CTTNBP2: variants seen among roughly 807,000 people sequenced by gnomAD.
CTTNBP2 encodes the protein cortactin-binding protein 2.
Under a neutral mutation model 156.9 loss-of-function variants are expected in CTTNBP2, and 108 were observed. The observed-to-expected ratio is 0.69, with a 90% confidence interval of 0.59 to 0.81. The LOEUF (loss-of-function observed/expected upper bound fraction) is 0.81, where lower values mean the gene tolerates loss of function less well. CTTNBP2 is among the 30% of genes least tolerant of loss of function. The pLI is 0.00. For synonymous variants in CTTNBP2, 767 were observed against 751.8 expected, an observed-to-expected ratio of 1.02 and a Z score of -0.33; for missense variants, 1,924 against 2,035.4, an observed-to-expected ratio of 0.95 and a Z score of 1.05.
chr7:117,729,096 G>A (rs551877095), intron 16 of CTTNBP2, among the ~76,000 whole-genome samples: 6 of 152,312 alleles, frequency 3.9e-5, no homozygotes, highest in East Asian at 3.9e-4. Flanking sequence ...CCAGGGAAAC[G>A]TTACTTTTTC....
At chr7:117,839,750 C>T (rs1802163897) in intron 2 of CTTNBP2, among the ~76,000 whole-genome samples, 1 of 152,182 alleles carries the variant, frequency 6.6e-6, no homozygotes, top group Admixed American at 6.5e-5. Flanking sequence ...ACTCTGCACA[C>T]ATTGTACCAC....
At chr7:117,762,048 T>TC (rs1488400072) in intron 9 of CTTNBP2, among the ~76,000 whole-genome samples, 10 of 152,304 alleles carry the variant, frequency 6.6e-5, no homozygotes, top group African/African-American at 2.2e-4. Flanking sequence ...CTCCTGTACC[T>TC]CCTCGGTCGC....
Position 117,724,587 on chromosome 7 carries a change from G to C in CTTNBP2, c.4407C>G (p.Phe1469Leu). 6.2e-7 allele frequency: 1 copy of C among 1,614,050 alleles called. No homozygotes were observed. Residue 1469 changes from phenylalanine (F) to leucine (L), a missense_variant, in exon 19 of 23, where the codon TTC (phenylalanine) becomes TTG (leucine). By Grantham distance (22) the Phe-to-Leu change is conservative (BLOSUM62 0). Transcript: ENST00000160373. Reference protein sequence around the residue: ...NTSPRRKSGRFSLPTWNKPDL... With the variant: ...NTSPRRKSGRLSLPTWNKPDL... ...CTGGCTTATTCCAGGTGGGTAAAGA[G>C]AAGCGGCCAGACTTCCTGCGAGGAC...
At chr7:117,745,293 G>T (rs539540347) in intron 14 of CTTNBP2, among the ~76,000 whole-genome samples, 1 of 152,300 alleles carries the variant, frequency 6.6e-6, no homozygotes, top group Non-Finnish European at 1.5e-5. Flanking sequence ...ACCTACACTT[G>T]CATAGGGCTG....
chr7:117,758,355 T>G (rs1373954899), intron 10 of CTTNBP2, among the ~76,000 whole-genome samples: 1 of 151,866 alleles, frequency 6.6e-6, no homozygotes, highest in Non-Finnish European at 1.5e-5. Flanking sequence ...GGGTGAGATA[T>G]GAGATCATTT....
At position 117,838,992 on chromosome 7, in the gene CTTNBP2, C is replaced by T. The variant is rs375250093; in HGVS notation, c.189+22217G>A. On this transcript the variant is annotated intron_variant, in intron 2 of 22. Coordinates refer to ENST00000160373, the MANE Select transcript of CTTNBP2 (RefSeq NM_033427.3). ...CGGGGGGGGGGCTTTTAAAAAAAAT[C>T]CTCCAAAGGATTTTTTTAAAATCTT... 1.1e-4 allele frequency among the ~76,000 whole-genome samples: 16 copies of T among 148,122 alleles called. No homozygotes were observed. The East Asian group carries it at 3.0e-3, about 28-fold the overall frequency.
intron 11 of CTTNBP2, among the ~76,000 whole-genome samples, chr7:117,757,588 TATC>T: frequency 6.6e-6 from 1 of 151,714 alleles, no homozygotes; most frequent in South Asian, 2.1e-4. Flanking sequence ...GTCACTCTCT[TATC>T]AGCATGCCAG....
intron 22 of CTTNBP2, chr7:117,713,737 A>G (rs1365328929): frequency 6.6e-6 from 1 of 152,250 alleles, no homozygotes; most frequent in Admixed American, 6.5e-5. Flanking sequence ...CAACATGTTC[A>G]TTAAACTACC....
intron 6 of CTTNBP2, among the ~76,000 whole-genome samples, chr7:117,781,604 G>A (rs895136630): frequency 4.6e-5 from 7 of 152,192 alleles, no homozygotes; most frequent in Middle Eastern, 3.2e-3. Flanking sequence ...TGGGTGTGGT[G>A]GCGTACACCT....
In CTTNBP2 at chr7:117,782,974, AT is replaced by A; in HGVS notation, c.2273-14del. ...AATCTCACACAGTCTATGGATTTTA[AT>A]AGAAAGCCATGTAAATTCCCCATTT... is the stretch of plus-strand genomic sequence containing the variant. On this transcript the variant is annotated splice_polypyrimidine_tract_variant and intron_variant, in intron 5 of 22. Coordinates refer to ENST00000160373, the MANE Select transcript of CTTNBP2 (RefSeq NM_033427.3). The A allele has an allele frequency of 6.3e-7, 1 of 1,593,780 alleles. No homozygotes were observed. The highest frequency in any genetic ancestry group is 1.1e-5 in the South Asian group (1 of 89,356).
At position 117,745,933 on chromosome 7, in the gene CTTNBP2, G is replaced by A. The variant is rs1013281396; in HGVS notation, c.3436-3C>T. The A allele has an allele frequency of 2.4e-5, 39 of 1,613,798 alleles. No homozygotes were observed. Among genetic ancestry groups the A allele is most frequent in the East Asian group, 4.5e-5 (2 of 44,874 alleles). The stretch of plus-strand genomic sequence containing the variant: ...AATCCTGCAGCCATTTGTCTGTGCT[G>A]TGATAAGAAAATAGGGTGATTAGTT... On this transcript the variant is annotated splice_polypyrimidine_tract_variant and splice_region_variant and intron_variant, in intron 13 of 22. Coordinates refer to ENST00000160373, the MANE Select transcript of CTTNBP2 (RefSeq NM_033427.3).
chr7:117,767,079 T>C lies in CTTNBP2; in HGVS notation c.2876A>G (p.Lys959Arg). The stretch of plus-strand genomic sequence containing the variant: ...CTCACTCAGATTCTCCAGCAAATGC[T>C]TGCAGTCATCAGTGGCAACATCATG... ...TVHDVATDDC[K>R]HLLENLNALK... is the part of the protein sequence containing the mutation. Residue 959 changes from lysine to arginine, a missense_variant, in exon 9 of 23, where the codon AAG becomes AGG. By Grantham distance (26) the Lys-to-Arg change is conservative. Coordinates refer to ENST00000160373, the MANE Select transcript of CTTNBP2 (RefSeq NM_033427.3). The C allele has an allele frequency of 6.3e-7, 1 of 1,596,612 alleles. No homozygotes were observed. Among genetic ancestry groups the C allele is most frequent in the Non-Finnish European group, 8.6e-7 (1 of 1,163,968 alleles).
chr7:117,798,347 C>T (rs1041248279), intron 3 of CTTNBP2, among the ~76,000 whole-genome samples: 1 of 152,030 alleles, frequency 6.6e-6, no homozygotes, highest in Non-Finnish European at 1.5e-5. Context: ...TGAGAACTAC[C>T]AAACCAATAG....
At chr7:117,795,592 T>C (rs1380113707) in intron 3 of CTTNBP2, among the ~76,000 whole-genome samples, 1 of 152,156 alleles carries the variant, frequency 6.6e-6, no homozygotes, top group African/African-American at 2.4e-5. Context: ...CTGTCTCAGG[T>C]TTTTCTCACT....
At position 117,872,355 on chromosome 7, in the gene CTTNBP2, C is replaced by T. The variant is rs556250412; in HGVS notation, c.81+980G>A. ...CCACGCCCCGCTCGCTCCATCCCAC[C>T]CCATCCTTCGGCGGGAGCAGCCAGA... On this transcript the variant is annotated intron_variant, in intron 1 of 22. Transcript: ENST00000160373. The T allele has an allele frequency of 6.6e-5, 10 of 151,760 alleles. No homozygotes were observed. In the East Asian group the frequency reaches 1.7e-3, roughly 26 times the overall value. 9.4% of individuals were successfully genotyped at this position (151,760 alleles called of 1,614,324 possible).
chr7:117,850,202 T>A (rs34646038), intron 2 of CTTNBP2, among the ~76,000 whole-genome samples: 2 of 152,190 alleles, frequency 1.3e-5, no homozygotes, highest in Non-Finnish European at 2.9e-5. Flanking sequence ...TAGTAGAATA[T>A]ACAATAGCCT....
At chr7:117,721,580 A>G (rs544260928) in intron 19 of CTTNBP2, among the ~76,000 whole-genome samples, 1 of 152,360 alleles carries the variant, frequency 6.6e-6, no homozygotes, top group East Asian at 1.9e-4. Flanking sequence ...ATAGTTTTTG[A>G]TATGTGGCAT....
intron 3 of CTTNBP2, among the ~76,000 whole-genome samples, chr7:117,794,389 A>G (rs1563015076): frequency 6.6e-6 from 1 of 152,330 alleles, no homozygotes; most frequent in East Asian, 1.9e-4. Context: ...CCTAAAGGTT[A>G]AAGTACATCT....
At chr7:117,747,018 T>A (rs1234706918) in intron 12 of CTTNBP2, among the ~76,000 whole-genome samples, 1 of 152,186 alleles carries the variant, frequency 6.6e-6, no homozygotes, top group Non-Finnish European at 1.5e-5. Flanking sequence ...ACTTCTGTCA[T>A]CCCAGGGCTG....
Sources: allele counts gnomAD v4.1 joint callset (sites outside exome capture counted in the v4.1 genomes callset), GRCh38; gene constraint gnomAD v4.1.1; transcripts MANE v1.5; gene names NCBI Gene and HGNC (gene_info 2026-07-23, HGNC 2026-07-21).